MARCHF4: variants seen among roughly 807,000 people sequenced by gnomAD.
The protein encoded by MARCHF4 is E3 ubiquitin-protein ligase MARCHF4.
In MARCHF4, 14 loss-of-function variants were observed where a neutral mutation model predicts 43.9. That is an observed-to-expected ratio of 0.32 (90% CI 0.21 to 0.50). The LOEUF (loss-of-function observed/expected upper bound fraction) is 0.50. Among genes scored for constraint, MARCHF4 ranks in the 20% least tolerant of loss-of-function variants. The pLI is 0.98. For synonymous variants in MARCHF4, 226 were observed against 213.3 expected (o/e 1.06, Z -0.52); for missense variants, 468 against 536.7 (o/e 0.87, Z 1.27).
intron 2 of MARCHF4, among the ~76,000 whole-genome samples, chr2:216,282,150 T>C (rs914843567): frequency 6.6e-6 from 1 of 152,042 alleles, no homozygotes; most frequent in East Asian, 1.9e-4. Context: ...TTGAAATGAA[T>C]TGAAGATGGA....
chr2:216,294,544 C>G (rs942798626), intron 1 of MARCHF4, among the ~76,000 whole-genome samples: 1 of 152,168 alleles, frequency 6.6e-6, no homozygotes, highest in African/African-American at 2.4e-5. Context: ...AGAATCAATT[C>G]CAGCTCTGCC....
intron 2 of MARCHF4, among the ~76,000 whole-genome samples, chr2:216,278,930 C>T (rs1574461877): frequency 6.6e-6 from 1 of 152,170 alleles, no homozygotes. Flanking sequence ...TATTCATGCA[C>T]TTACTCAAGG....
chr2:216,277,520 G>T, intron 3 of MARCHF4, 152 bp downstream of exon 3: 1 of 705,776 alleles, frequency 1.4e-6, no homozygotes, highest in Non-Finnish European at 2.3e-6. Flanking sequence ...TCCACCCCTT[G>T]AATCCAAGCC....
intron 1 of MARCHF4, among the ~76,000 whole-genome samples, chr2:216,323,836 C>T (rs1691944999): frequency 6.6e-6 from 1 of 152,012 alleles, no homozygotes; most frequent in Non-Finnish European, 1.5e-5. Flanking sequence ...AAATTTATAG[C>T]ACTAAATGCC....
At chr2:216,357,180 A>G (rs918121114) in intron 1 of MARCHF4, among the ~76,000 whole-genome samples, 2 of 152,234 alleles carry the variant, frequency 1.3e-5, no homozygotes, top group African/African-American at 4.8e-5. Flanking sequence ...ATCTTATTTG[A>G]ATTTCACCAA....
chr2:216,343,030 C>A (rs1692259463), intron 1 of MARCHF4, among the ~76,000 whole-genome samples: 1 of 152,186 alleles, frequency 6.6e-6, no homozygotes, highest in African/African-American at 2.4e-5. Context: ...GAATGGTGAA[C>A]TGTCCCCCTG....
intron 1 of MARCHF4, among the ~76,000 whole-genome samples, chr2:216,316,418 A>G (rs1467102404): frequency 1.3e-5 from 2 of 152,192 alleles, no homozygotes; most frequent in African/African-American, 4.8e-5. Flanking sequence ...TGAGGACTGC[A>G]AAATCTTGCA....
At chr2:216,331,186 G>T (rs1007931404) in intron 1 of MARCHF4, among the ~76,000 whole-genome samples, 1 of 151,856 alleles carries the variant, frequency 6.6e-6, no homozygotes, top group African/African-American at 2.4e-5. Context: ...TAAATTCACC[G>T]CAAACCTTTC....
In MARCHF4 at chr2:216,275,679, G is replaced by A. The variant is rs1169496841; in HGVS notation, c.865+1993C>T. On this transcript the variant is annotated intron_variant, in intron 3 of 3. Transcript: ENST00000273067. ...CTTCAAATCTGTAGAGCCATTGGTGGTAGCAGGCATTTATGCTCCTCTCTT... is the reference window on the plus strand; with the variant it reads ...CTTCAAATCTGTAGAGCCATTGGTGATAGCAGGCATTTATGCTCCTCTCTT... 4.6e-5 allele frequency among the ~76,000 whole-genome samples: 7 copies of A among 152,344 alleles called. No homozygotes were observed. In the East Asian group the frequency reaches 1.4e-3, roughly 29 times the overall value.
Position 216,259,168 on chromosome 2 carries a change from C to T in MARCHF4, c.*144G>A. 1 of 1,244,170 alleles carries T rather than the reference C, an allele frequency of 8.0e-7. No individual in the cohort carries two copies. Among genetic ancestry groups the T allele is most frequent in the Non-Finnish European group, 1.1e-6 (1 of 913,656 alleles). The allele number at this position is 1,244,170 out of a possible 1,614,324, so 77.1% of individuals were successfully genotyped here. A position where few individuals can be genotyped will look rare whatever the true frequency, so the allele number is the denominator to read the frequency against. ...AACTGCTCCTGCACCAGCCTCACTC[C>T]CGCTCTGACACTACCCCAGGGCTCC... On this transcript the variant is annotated 3_prime_UTR_variant, in exon 4 of 4. Transcript: ENST00000273067.
intron 1 of MARCHF4, 100 bp from the exon 2 acceptor site, chr2:216,283,829 C>G (rs891705240): frequency 7.9e-7 from 1 of 1,266,432 alleles, no homozygotes; most frequent in Non-Finnish European, 1.1e-6. Flanking sequence ...TTTGAGCCAC[C>G]CAAGTAGGCC....
At position 216,372,011 on chromosome 2, in the gene MARCHF4, A is replaced by T. The variant is rs1374969527; in HGVS notation, c.-1751T>A. ...GAAGGTGGGGAGGGGGGAGCGAAGC[A>T]GTGTGGCCGAGGTGGGAGGCAGCCG... On this transcript the variant is annotated 5_prime_UTR_variant, in exon 1 of 4. Coordinates refer to ENST00000273067, the MANE Select transcript of MARCHF4 (RefSeq NM_020814.3). The T allele has an allele frequency of 6.6e-6, 1 of 152,404 alleles. No individual in the cohort carries two copies. Among genetic ancestry groups the T allele is most frequent in the Non-Finnish European group, 1.5e-5 (1 of 68,300 alleles). 9.4% of individuals were successfully genotyped at this position (152,404 alleles called of 1,614,324 possible).
At chr2:216,261,166 T>C (rs956075874) in intron 3 of MARCHF4, among the ~76,000 whole-genome samples, 1 of 152,178 alleles carries the variant, frequency 6.6e-6, no homozygotes, top group Admixed American at 6.5e-5. Flanking sequence ...TAAAATGGGA[T>C]GCATGTTTCT....
At chr2:216,338,766 A>G (rs544408180) in intron 1 of MARCHF4, among the ~76,000 whole-genome samples, 33 of 152,164 alleles carry the variant, frequency 2.2e-4, no homozygotes, top group Non-Finnish European at 4.3e-4. Context: ...GAACTAGGAT[A>G]CTCATGGCTC....
chr2:216,358,633 G>A (rs563509607), intron 1 of MARCHF4, among the ~76,000 whole-genome samples: 1 of 152,054 alleles, frequency 6.6e-6, no homozygotes, highest in Non-Finnish European at 1.5e-5. Flanking sequence ...TGGGTCAAGT[G>A]GTGTTCTAAA....
At chr2:216,325,294 C>A (rs1338473694) in intron 1 of MARCHF4, among the ~76,000 whole-genome samples, 3 of 152,078 alleles carry the variant, frequency 2.0e-5, no homozygotes, top group Non-Finnish European at 2.9e-5. Context: ...AACTACAAAC[C>A]ACTGCTCAAT....
intron 1 of MARCHF4, among the ~76,000 whole-genome samples, chr2:216,292,962 A>G (rs1359885758): frequency 4.6e-5 from 7 of 152,166 alleles, no homozygotes; most frequent in Non-Finnish European, 1.0e-4. Flanking sequence ...AGATGAATGG[A>G]GAAGGGTTTG....
At chr2:216,353,527 T>A (rs1692433634) in intron 1 of MARCHF4, among the ~76,000 whole-genome samples, 1 of 152,168 alleles carries the variant, frequency 6.6e-6, no homozygotes, top group African/African-American at 2.4e-5. Flanking sequence ...TCCCCTCACC[T>A]CTCTGGGTCC....
chr2:216,283,203 C>A (rs898339962), intron 2 of MARCHF4, among the ~76,000 whole-genome samples: 1 of 151,988 alleles, frequency 6.6e-6, no homozygotes, highest in Non-Finnish European at 1.5e-5. Flanking sequence ...TCTTTTTCTT[C>A]TTCTTCCCTG....
Sources: gnomAD v4.1 joint callset for allele counts (sites outside exome capture counted in the v4.1 genomes callset) on GRCh38, gnomAD v4.1.1 for gene constraint, MANE v1.5 for transcripts, NCBI Gene and HGNC (gene_info 2026-07-23, HGNC 2026-07-21) for gene names.